BAG3: variants seen among roughly 807,000 people sequenced by gnomAD.
BAG3 encodes the protein BAG cochaperone 3, also known as BAG family molecular chaperone regulator 3.
BAG3 carries 14 observed loss-of-function variants against 40.5 expected under a neutral mutation model. That is an observed-to-expected ratio of 0.35 (90% CI 0.23 to 0.54). The LOEUF (loss-of-function observed/expected upper bound fraction) is 0.54. BAG3 is among the 20% of genes least tolerant of loss of function. BAG3 has a pLI of 0.91. For missense variants in BAG3, 788 were observed against 758.6 expected (o/e 1.04, Z -0.46); for synonymous variants, 302 against 307.8 (o/e 0.98, Z 0.20).
At chr10:119,668,154 A>G (rs1296820215) in intron 1 of BAG3, among the ~76,000 whole-genome samples, 1 of 152,250 alleles carries the variant, frequency 6.6e-6, no homozygotes, top group African/African-American at 2.4e-5. Flanking sequence ...CCAAGGACAC[A>G]GTGACACCCA....
At chr10:119,671,674 C>G (rs1847152212) in intron 2 of BAG3, among the ~76,000 whole-genome samples, 1 of 152,204 alleles carries the variant, frequency 6.6e-6, no homozygotes, top group Admixed American at 6.5e-5. Context: ...GGCACTCTTC[C>G]TATATTTCAA....
chr10:119,665,946 G>A (rs1324011964), intron 1 of BAG3, among the ~76,000 whole-genome samples: 4 of 152,070 alleles, frequency 2.6e-5, no homozygotes, highest in East Asian at 1.9e-4. Flanking sequence ...TACAGACCTC[G>A]GGACTGTTGG....
At chr10:119,674,975 TCAAAAA>T (rs375235401) in intron 3 of BAG3, among the ~76,000 whole-genome samples, 1,637 of 106,428 alleles carry the variant, frequency 0.015, 25 homozygotes, top group African/African-American at 0.057. Flanking sequence ...AGGCTCCGTC[TCAAAAA>T]CAAAAACAAA....
intron 1 of BAG3, among the ~76,000 whole-genome samples, chr10:119,661,577 T>A (rs187474506): frequency 1.2e-4 from 18 of 152,066 alleles, no homozygotes; most frequent in South Asian, 4.2e-4. Flanking sequence ...TCTAAAAAAA[T>A]TTTTTTTCCC....
chr10:119,672,562 G>T lies in BAG3; in HGVS notation c.815G>T (p.Gly272Val), dbSNP rs1589630345. 3.1e-6 allele frequency: 5 copies of T among 1,614,084 alleles called. No homozygotes were observed. The highest frequency in any genetic ancestry group is 4.2e-6 in the Non-Finnish European group (5 of 1,180,016). The change falls in exon 3 of 4, where the codon GGT becomes GTT. Residue 272 changes from glycine to valine, a missense_variant. Physicochemically the swap from Gly to Val is moderately radical, Grantham distance 109. Coordinates refer to ENST00000369085, the MANE Select transcript of BAG3 (RefSeq NM_004281.4). The surrounding 1 kb of genome is among the most constrained non-coding windows in gnomAD (Gnocchi z 4.8). ...AASPFRSSVQGASSREGSPAR... is the reference protein window; with the variant it reads ...AASPFRSSVQVASSREGSPAR... ...TCCCCGTTCAGGTCATCTGTCCAGG[G>T]TGCATCGAGCCGGGAGGGCTCACCA...
intron 2 of BAG3, 106 bp downstream of exon 2, chr10:119,670,283 A>G: frequency 7.9e-7 from 1 of 1,259,202 alleles, no homozygotes; most frequent in Non-Finnish European, 1.1e-6. Flanking sequence ...ACCTGTTCAC[A>G]TGCAGGGCAT....
chr10:119,652,515 T>A (rs891858618), intron 1 of BAG3, among the ~76,000 whole-genome samples: 3 of 152,228 alleles, frequency 2.0e-5, no homozygotes, highest in Admixed American at 2.0e-4. Context: ...TATGAACGTA[T>A]CCTAGTATGA....
chr10:119,660,919 C>A (rs1390498321), intron 1 of BAG3, among the ~76,000 whole-genome samples: 3 of 151,758 alleles, frequency 2.0e-5, no homozygotes, highest in Non-Finnish European at 4.4e-5. Flanking sequence ...CATGGTGAAA[C>A]CCCATCTTTA....
Position 119,672,568 on chromosome 10 carries a change from C to T in BAG3, c.821C>T (p.Ser274Leu), listed in dbSNP as rs143919208. 137 of 1,614,048 alleles carry T rather than the reference C, an allele frequency of 8.5e-5. 1 individual carries two copies. The African/African-American group carries it at 1.1e-3, about 13-fold the overall frequency. Residue 274 changes from serine to leucine, a missense_variant, in exon 3 of 4, where the codon TCG (serine) becomes TTG (leucine). Coordinates refer to ENST00000369085, the MANE Select transcript of BAG3 (RefSeq NM_004281.4). The surrounding 1 kb of genome is among the most constrained non-coding windows in gnomAD (Gnocchi z 4.8). The stretch of plus-strand genomic sequence containing the variant: ...TTCAGGTCATCTGTCCAGGGTGCAT[C>T]GAGCCGGGAGGGCTCACCAGCCAGG... Reference protein sequence around the residue: ...SPFRSSVQGASSREGSPARSS... With the variant: ...SPFRSSVQGALSREGSPARSS...
intron 1 of BAG3, among the ~76,000 whole-genome samples, chr10:119,665,805 T>G (rs543763421): frequency 3.2e-4 from 49 of 152,326 alleles, no homozygotes; most frequent in Middle Eastern, 3.4e-3. Flanking sequence ...TGTTGTTGTT[T>G]TTTTTTAAAC....
chr10:119,677,555 C>T lies in BAG3; in HGVS notation c.*273C>T. On this transcript the variant is annotated 3_prime_UTR_variant, in exon 4 of 4. Coordinates refer to ENST00000369085, the MANE Select transcript of BAG3 (RefSeq NM_004281.4). ...GCAGCCCTGTCTACTTGGGCACCCC[C>T]ACCACCTGTTAGCTGTGGTTGTGCA... The T allele has an allele frequency of 1.9e-6, 1 of 529,746 alleles. No individual in the cohort carries two copies. Among genetic ancestry groups the T allele is most frequent in the Non-Finnish European group, 3.4e-6 (1 of 295,208 alleles). 32.8% of individuals were successfully genotyped at this position (529,746 alleles called of 1,614,324 possible). A position where few individuals can be genotyped will look rare whatever the true frequency, so the allele number is the denominator to read the frequency against.
At chr10:119,652,329 T>A (rs962724470) in intron 1 of BAG3, among the ~76,000 whole-genome samples, 1 of 152,148 alleles carries the variant, frequency 6.6e-6, no homozygotes, top group African/African-American at 2.4e-5. Context: ...GCTTGGATGG[T>A]GGTTTTGGGG....
In BAG3 at chr10:119,672,526, T is replaced by C; in HGVS notation, c.779T>C (p.Leu260Pro). Residue 260 changes from leucine (L) to proline (P), a missense_variant, in exon 3 of 4, where the codon CTG becomes CCG. Coordinates refer to ENST00000369085, the MANE Select transcript of BAG3 (RefSeq NM_004281.4). This position sits in a 1 kb window ranked among gnomAD's most constrained non-coding sequence, Gnocchi z 4.8. ...GGGGATGACTGGGAGCCCCGGCCCC[T>C]GCGGGCGGCATCCCCGTTCAGGTCA... ...IQGDDWEPRPLRAASPFRSSV... is the reference protein window; with the variant it reads ...IQGDDWEPRPPRAASPFRSSV... 6.2e-7 allele frequency: 1 copy of C among 1,613,916 alleles called. No individual in the cohort carries two copies. Among genetic ancestry groups the C allele is most frequent in the South Asian group, 1.1e-5 (1 of 91,062 alleles).
chr10:119,651,551 C>A lies in BAG3; in HGVS notation c.-125C>A. 1 of 915,176 alleles carries A rather than the reference C, an allele frequency of 1.1e-6. No homozygotes were observed. The highest frequency in any genetic ancestry group is 1.5e-6 in the Non-Finnish European group (1 of 672,948). 56.7% of individuals were successfully genotyped at this position (915,176 alleles called of 1,614,324 possible). Reference sequence around the variant, plus strand: ...CCCCCGCCTTTAATTCATAAAGGTGCCCGGCGCCGGCTTCCCGGACACGTC... The same window carrying A: ...CCCCCGCCTTTAATTCATAAAGGTGACCGGCGCCGGCTTCCCGGACACGTC... On this transcript the variant is annotated 5_prime_UTR_variant, in exon 1 of 4. Transcript: ENST00000369085.
Position 119,663,821 on chromosome 10 carries a change from A to C in BAG3, c.181-6030A>C, listed in dbSNP as rs559031896. On this transcript the variant is annotated intron_variant, in intron 1 of 3. Transcript: ENST00000369085. ...TCAGAGCTGAAAGGAACTTTCCATC[A>C]TCGTTTTTCTCACTGCGGACCTTTA... Among the ~76,000 whole-genome samples the C allele has an allele frequency of 2.9e-4, 44 of 152,248 alleles. No homozygotes were observed. The South Asian group carries it at 8.7e-3, about 30-fold the overall frequency.
rs112094235 is a variant in BAG3, at chr10:119,673,177, T to C, written c.909+521T>C. On this transcript the variant is annotated intron_variant, in intron 3 of 3. Coordinates refer to ENST00000369085, the MANE Select transcript of BAG3 (RefSeq NM_004281.4). Reference sequence around the variant, plus strand: ...TCCTCTGAGGGACGAGCCAGTCTTGTCTCCTCCATGAAGCCTACTCATCCT... The same window carrying C: ...TCCTCTGAGGGACGAGCCAGTCTTGCCTCCTCCATGAAGCCTACTCATCCT... Among the ~76,000 whole-genome samples, 1,101 of 152,308 alleles carry C rather than the reference T, an allele frequency of 7.2e-3. 7 individuals carry two copies. The highest frequency in any genetic ancestry group is 0.027 in the Middle Eastern group (8 of 294).
At chr10:119,653,449 CAAGTTTGAACAT>C (rs1415924858) in intron 1 of BAG3, among the ~76,000 whole-genome samples, 2 of 152,158 alleles carry the variant, frequency 1.3e-5, no homozygotes, top group Non-Finnish European at 2.9e-5. Context: ...GAGTGAAGAT[CAAGTTTGAACAT>C]AAACATTCCC....
At chr10:119,675,895 T>TCCTTCCTTCCCCCCTTCCCCTCTTCCCC (rs1554877654) in intron 3 of BAG3, among the ~76,000 whole-genome samples, 1 of 17,326 alleles carries the variant, frequency 5.8e-5, no homozygotes, top group African/African-American at 2.1e-4. Context: ...CTTCCTTCCT[T>TCCTTCCTTCCCCCCTTCCCCTCTTCCCC]CCTTCCCCCC....
intron 3 of BAG3, among the ~76,000 whole-genome samples, chr10:119,675,809 CT>C (rs1847216074): frequency 4.4e-5 from 3 of 68,426 alleles, no homozygotes; most frequent in Non-Finnish European, 8.8e-5. Context: ...CCCTTCCCCC[CT>C]TCCCTGCTTC....
Sources: allele counts gnomAD v4.1 joint callset (sites outside exome capture counted in the v4.1 genomes callset), GRCh38; gene constraint gnomAD v4.1.1; non-coding constraint Gnocchi (gnomAD v3.1); transcripts MANE v1.5; gene names NCBI Gene and HGNC (gene_info 2026-07-23, HGNC 2026-07-21).